WNK3: variants seen among roughly 807,000 people sequenced by gnomAD.
WNK3 encodes serine/threonine-protein kinase WNK3.
In WNK3, 18 loss-of-function variants were observed where a neutral mutation model predicts 116.7. The ratio of observed to expected loss-of-function variants is 0.15; its 90% CI spans 0.11 to 0.23. The LOEUF (loss-of-function observed/expected upper bound fraction) is 0.23. Ranked by LOEUF, WNK3 falls within the 10% of genes least tolerant of loss-of-function variation. The pLI, the probability that WNK3 is intolerant of heterozygous loss-of-function variation, is 1.00. For synonymous variants in WNK3, 404 were observed against 469.4 expected (o/e 0.86, Z 1.80); for missense variants, 993 against 1,323.8 (o/e 0.75, Z 3.88).
chrX:54,198,389 T>A, exon 24 of WNK3: 1 of 1,210,865 alleles, frequency 8.3e-7, no homozygotes, highest in Non-Finnish European at 1.1e-6. Context: ...GCCTGCATAT[T>A]CATCCCTGGC....
At chrX:54,280,519 A>C (rs782625590) in intron 10 of WNK3, among the ~76,000 whole-genome samples, 2 of 111,720 alleles carry the variant, frequency 1.8e-5, no homozygotes, top group African/African-American at 3.3e-5. Context: ...AAACAATTCC[A>C]TTTATAATAA....
intron 1 of WNK3, among the ~76,000 whole-genome samples, chrX:54,344,769 C>T (rs1385102268): frequency 9.1e-6 from 1 of 109,680 alleles, no homozygotes; most frequent in Non-Finnish European, 1.9e-5. Flanking sequence ...ACGGTCAAAC[C>T]CCGTCTCTAC....
intron 2 of WNK3, among the ~76,000 whole-genome samples, chrX:54,325,029 C>A (rs552893848): frequency 8.9e-6 from 1 of 111,873 alleles, no homozygotes; most frequent in Admixed American, 9.6e-5. Flanking sequence ...TTGATAGATG[C>A]TTCAGGTGTG....
exon 17 of WNK3, chrX:54,249,602 G>A (rs111417684): frequency 5.5e-5 from 67 of 1,207,791 alleles, no homozygotes; most frequent in East Asian, 2.7e-4. Context: ...AATGTGTCCC[G>A]TGATATTTCC....
chrX:54,234,935 T>C (rs782747231), intron 20 of WNK3, among the ~76,000 whole-genome samples: 2 of 111,959 alleles, frequency 1.8e-5, no homozygotes, highest in East Asian at 5.5e-4. Context: ...AAAGTATCAG[T>C]GTACATATAC....
At chrX:54,261,886 T>C (rs2068260259) in intron 10 of WNK3, among the ~76,000 whole-genome samples, 1 of 111,797 alleles carries the variant, frequency 8.9e-6, no homozygotes, top group African/African-American at 3.2e-5. Context: ...CTTAATTATT[T>C]CCTTAGGAAG....
chrX:54,214,447 T>C (rs1557144540), intron 22 of WNK3, among the ~76,000 whole-genome samples: 1 of 111,567 alleles, frequency 9.0e-6, no homozygotes, highest in Non-Finnish European at 1.9e-5. Context: ...AAATGCAGAA[T>C]AAGGGCCTGG....
chrX:54,198,216 C>T, exon 24 of WNK3: 1 of 728,848 alleles, frequency 1.4e-6, no homozygotes, highest in Non-Finnish European at 1.9e-6. Context: ...AAAGTAAACT[C>T]AAATGAGGGA....
chrX:54,307,219 CAAA>C (rs781986409), intron 5 of WNK3, among the ~76,000 whole-genome samples: 3 of 53,411 alleles, frequency 5.6e-5, no homozygotes, highest in Admixed American at 4.7e-4. Flanking sequence ...GACTGTGTCT[CAAA>C]AAAAAAAAAA....
intron 3 of WNK3, among the ~76,000 whole-genome samples, chrX:54,309,529 G>T (rs1031772360): frequency 1.8e-5 from 2 of 111,158 alleles, no homozygotes; most frequent in African/African-American, 3.3e-5. Flanking sequence ...TGTTTGTTTG[G>T]TTGGTTGGTT....
chrX:54,272,300 A>G (rs1452962716), intron 10 of WNK3, among the ~76,000 whole-genome samples: 8 of 111,404 alleles, frequency 7.2e-5, no homozygotes, highest in African/African-American at 2.6e-4. Context: ...CTCCCTAACT[A>G]TAAGTTTCAC....
rs578008466 is a variant in WNK3 at position 54,213,573 on chromosome X, A to C, written c.4871-11380T>G. ...CGTCTCAAAAAAAAAAACAAACAAA[A>C]AAAAAAAAACTAGGGGAAAAAAATG... On this transcript the variant is annotated intron_variant, in intron 22 of 23. Transcript: ENST00000354646. Among the ~76,000 whole-genome samples, 133 of 104,759 alleles carry C rather than the reference A, an allele frequency of 1.3e-3. 3 individuals carry two copies. The highest frequency in any genetic ancestry group is 4.0e-3 in the East Asian group (14 of 3,465). The allele number at this position is 104,759 out of a possible 115,157, so 91.0% of individuals were successfully genotyped here.
At chrX:54,310,275 T>C (rs2068871945) in intron 3 of WNK3, among the ~76,000 whole-genome samples, 1 of 110,502 alleles carries the variant, frequency 9.0e-6, no homozygotes, top group Non-Finnish European at 1.9e-5. Flanking sequence ...GCATGCTGCC[T>C]CACTCCTATA....
At chrX:54,300,080 A>C in intron 6 of WNK3, among the ~76,000 whole-genome samples, 1 of 110,719 alleles carries the variant, frequency 9.0e-6, no homozygotes, top group Non-Finnish European at 1.9e-5. Context: ...GGCTGGTCTC[A>C]AACTCCTGAC....
At position 54,333,920 on chromosome X, in the gene WNK3, T is replaced by C. The variant is rs1286517081; in HGVS notation, c.-119-128A>G. 6 of 400,807 alleles carry C rather than the reference T, an allele frequency of 1.5e-5. No homozygotes were observed. The African/African-American group carries it at 1.5e-4, about 10-fold the overall frequency. The allele number at this position is 400,807 out of a possible 1,213,427, so 33.0% of individuals were successfully genotyped here. A position where few individuals can be genotyped will look rare whatever the true frequency, so the allele number is the denominator to read the frequency against. ...GTTTATTCTTTTTTCTGTCCAATCT[T>C]AGGAACCAGCAGACTCTAGGGACTG... On this transcript the variant is annotated intron_variant, in intron 1 of 23. Transcript: ENST00000354646.
chrX:54,262,767 AC>A (rs1474301642), intron 10 of WNK3, among the ~76,000 whole-genome samples: 5 of 109,311 alleles, frequency 4.6e-5, no homozygotes, highest in African/African-American at 1.7e-4. Context: ...TCCCATCTCT[AC>A]TAAAAATACA....
intron 22 of WNK3, among the ~76,000 whole-genome samples, chrX:54,221,356 T>C (rs2067758439): frequency 8.9e-6 from 1 of 112,251 alleles, no homozygotes; most frequent in Non-Finnish European, 1.9e-5. Flanking sequence ...TCCTACCTGA[T>C]TTCAAAGTCA....
intron 10 of WNK3, among the ~76,000 whole-genome samples, chrX:54,281,223 A>G (rs57579930): frequency 0.026 from 2,887 of 111,331 alleles, 100 homozygotes; most frequent in African/African-American, 0.091. Context: ...AGTGGCTCAC[A>G]CCTGTAATCC....
At chrX:54,256,360 T>TAGAC (rs1557155546) in intron 11 of WNK3, among the ~76,000 whole-genome samples, 1 of 111,699 alleles carries the variant, frequency 9.0e-6, no homozygotes, top group Non-Finnish European at 1.9e-5. Flanking sequence ...CTCAACAGGG[T>TAGAC]AGACCAGGTA....
Sources: gnomAD v4.1 joint callset for allele counts (sites outside exome capture counted in the v4.1 genomes callset) on GRCh38, gnomAD v4.1.1 for gene constraint, MANE v1.5 for transcripts, NCBI Gene and HGNC (gene_info 2026-07-23, HGNC 2026-07-21) for gene names.